The following PFAS variants were observed in gnomAD, a reference collection of about 807,000 sequenced individuals.
PFAS encodes phosphoribosylformylglycinamidine synthase, also known as FGAM synthase.
A neutral mutation model predicts 140.6 loss-of-function variants in PFAS; 97 were observed. The observed-to-expected ratio is 0.69, with a 90% confidence interval of 0.59 to 0.82. The LOEUF (loss-of-function observed/expected upper bound fraction) is 0.82. PFAS is among the 40% of genes least tolerant of loss of function. The probability of loss-of-function intolerance (pLI) is 0.00; values close to 1 mark genes in which losing one functional copy is unlikely to be tolerated. For missense variants in PFAS, 1,656 were observed against 1,780.2 expected, an observed-to-expected ratio of 0.93 and a Z score of 1.26; for synonymous variants, 679 against 718.8, an observed-to-expected ratio of 0.94 and a Z score of 0.88.
intron 19 of PFAS, 30 bp from the exon 20 acceptor site, chr17:8,265,526 C>T: frequency 6.2e-7 from 1 of 1,613,390 alleles, no homozygotes; most frequent in Non-Finnish European, 8.5e-7. Flanking sequence ...GTTGGCAACT[C>T]ATTCCTTTGG....
chr17:8,258,436 G>A (rs1210711184), intron 11 of PFAS, among the ~76,000 whole-genome samples: 1 of 152,072 alleles, frequency 6.6e-6, no homozygotes, highest in African/African-American at 2.4e-5. Context: ...CCTGCTACAC[G>A]ATCCACACAG....
At position 8,265,369 on chromosome 17, in the gene PFAS, A is replaced by G. The variant is rs747459913; in HGVS notation, c.2362A>G (p.Met788Val). 1.7e-5 allele frequency: 28 copies of G among 1,614,072 alleles called. No homozygotes were observed. Among genetic ancestry groups the G allele is most frequent in the Non-Finnish European group, 2.2e-5 (26 of 1,180,036 alleles). Reference protein sequence around the residue: ...GAALADACEAMVAVMAALGVA... With the variant: ...GAALADACEAVVAVMAALGVA... ...AGCTTTGGCGGATGCCTGTGAGGCT[A>G]TGGTGGCAGTGATGGCAGCCCTGGG... The change falls in exon 19 of 28, where the codon ATG (methionine) becomes GTG (valine). Residue 788 changes from methionine to valine, a missense_variant. Around this residue, in one of 2 missense-constraint regions of PFAS, gnomAD observed 883 missense variants for 1,023.0 expected, o/e 0.86. Transcript: ENST00000314666.
intron 20 of PFAS, 62 bp downstream of exon 20, chr17:8,265,701 T>C (rs1989785587): frequency 2.0e-6 from 3 of 1,488,338 alleles, no homozygotes; most frequent in Admixed American, 1.7e-5. Flanking sequence ...GGCTCCTGCT[T>C]TGTGAGTGCT....
rs1246264091 is a variant in PFAS at position 8,267,537 on chromosome 17, C to T, written c.3268-14C>T. ...GTGTCCTCCCACCCACACTCCCCCT[C>T]CCCACCTTCGCAGGTATGGGACGTG... On this transcript the variant is annotated splice_polypyrimidine_tract_variant and intron_variant, in intron 25 of 27. Transcript: ENST00000314666. The surrounding 1 kb of genome is among the most constrained non-coding windows in gnomAD (Gnocchi z 4.9). 1.3e-6 allele frequency: 2 copies of T among 1,592,482 alleles called. No homozygotes were observed. Among genetic ancestry groups the T allele is most frequent in the African/African-American group, 1.3e-5 (1 of 74,670 alleles).
intron 1 of PFAS, among the ~76,000 whole-genome samples, chr17:8,251,386 A>T (rs1482191158): frequency 6.6e-6 from 1 of 151,872 alleles, no homozygotes; most frequent in South Asian, 2.1e-4. Context: ...GGCTCAAGCG[A>T]TCCTCTTACC....
chr17:8,257,897 C>A lies in PFAS; in HGVS notation c.1166C>A (p.Ala389Asp). The change falls in exon 10 of 28, where the codon GCT becomes GAT. Residue 389 changes from alanine to aspartate, a missense_variant. Physicochemically the swap from Ala to Asp is moderately radical, Grantham distance 126. Transcript: ENST00000314666. Reference sequence around the variant, plus strand: ...GTTGCCATTGAAGCCAGTAATGGAGCTTCTGACTATGGCAACAAGTTTGGG... The same window carrying A: ...GTTGCCATTGAAGCCAGTAATGGAGATTCTGACTATGGCAACAAGTTTGGG... ...LEVAIEASNG[A>D]SDYGNKFGEP... 1 of 1,614,186 alleles carries A rather than the reference C, an allele frequency of 6.2e-7. No individual in the cohort carries two copies. Among genetic ancestry groups the A allele is most frequent in the Non-Finnish European group, 8.5e-7 (1 of 1,180,022 alleles).
rs1220183631 is a variant in PFAS at position 8,269,640 on chromosome 17, C to G, written c.*376C>G. On this transcript the variant is annotated 3_prime_UTR_variant, in exon 28 of 28. Transcript: ENST00000314666. ...TTGGCTCTGAGGGATGTTTTGCGCT[C>G]CCTTTTCTCATCATTGGGGTTAGCG... The G allele has an allele frequency of 4.7e-6, 1 of 211,004 alleles. No individual in the cohort carries two copies. Among genetic ancestry groups the G allele is most frequent in the African/African-American group, 2.3e-5 (1 of 43,548 alleles). The allele number at this position is 211,004 out of a possible 1,614,324, so 13.1% of individuals were successfully genotyped here. A position where few individuals can be genotyped will look rare whatever the true frequency, so the allele number is the denominator to read the frequency against.
At chr17:8,252,885 A>G (rs1989214134) in intron 1 of PFAS, among the ~76,000 whole-genome samples, 1 of 152,192 alleles carries the variant, frequency 6.6e-6, no homozygotes, top group Admixed American at 6.6e-5. Context: ...CCAAAGGGCT[A>G]AGATTACAGG....
rs200831632 is a variant in PFAS at position 8,256,848 on chromosome 17, T to C, written c.960T>C (p.Phe320=). Residue 320 remains phenylalanine, a synonymous_variant, in exon 9 of 28, where the codon TTT becomes TTC. Coordinates refer to ENST00000314666, the MANE Select transcript of PFAS (RefSeq NM_012393.3). ...THNFPTGVCP[F]SGATTGTGGR... ...CTCTCTTTGCAGGAGTATGCCCCTT[T>C]AGTGGTGCAACCACTGGCACAGGGG... is the stretch of plus-strand genomic sequence containing the variant. 1.9e-6 allele frequency: 3 copies of C among 1,607,600 alleles called. No individual in the cohort carries two copies. The highest frequency in any genetic ancestry group is 1.3e-5 in the African/African-American group (1 of 75,030).
intron 18 of PFAS, 56 bp from the exon 19 acceptor site, chr17:8,265,232 C>A: frequency 6.3e-7 from 1 of 1,587,746 alleles, no homozygotes. Flanking sequence ...CCGCCTGCAC[C>A]CCTGGCCTCT....
At chr17:8,259,994 G>A (rs1395710608) in intron 11 of PFAS, among the ~76,000 whole-genome samples, 2 of 151,782 alleles carry the variant, frequency 1.3e-5, no homozygotes, top group South Asian at 2.1e-4. Context: ...CCAGCTACTC[G>A]GGAGGCTGAG....
chr17:8,268,478 A>G (rs569848694), intron 26 of PFAS, 55 bp from the exon 27 acceptor site: 291 of 1,327,354 alleles, frequency 2.2e-4, no homozygotes, highest in Middle Eastern at 7.9e-4. Context: ...TTCATTCCCA[A>G]TTCCCTTTTT....
Position 8,266,932 on chromosome 17 carries a change from G to A in PFAS, c.2967+34G>A, listed in dbSNP as rs1306887660. 6.3e-7 allele frequency: 1 copy of A among 1,599,126 alleles called. No homozygotes were observed. Among genetic ancestry groups the A allele is most frequent in the Admixed American group, 1.7e-5 (1 of 59,748 alleles). On this transcript the variant is annotated intron_variant, in intron 23 of 27. Coordinates refer to ENST00000314666, the MANE Select transcript of PFAS (RefSeq NM_012393.3). The surrounding 1 kb of genome is among the most constrained non-coding windows in gnomAD (Gnocchi z 5.0). The stretch of plus-strand genomic sequence containing the variant: ...GTGAGGGAGAGAGCGGTGTGCAGTG[G>A]GCAGTCAGAGTGGGGTGGCCGCGGT...
intron 9 of PFAS, 102 bp from the exon 10 acceptor site, chr17:8,257,704 AG>A (rs1267432326): frequency 8.6e-6 from 10 of 1,167,382 alleles, no homozygotes; most frequent in Non-Finnish European, 1.2e-5. Flanking sequence ...GCAACCATGC[AG>A]GTGGTCCTTG....
At chr17:8,260,647 C>T (rs562400423) in intron 11 of PFAS, among the ~76,000 whole-genome samples, 28 of 152,228 alleles carry the variant, frequency 1.8e-4, no homozygotes, top group Admixed American at 3.9e-4. Context: ...TTTTTTGAGA[C>T]GGAGTCTCGC....
intron 11 of PFAS, among the ~76,000 whole-genome samples, chr17:8,259,398 A>G (rs1031202139): frequency 2.0e-5 from 3 of 152,076 alleles, no homozygotes; most frequent in Admixed American, 2.0e-4. Context: ...AGCCTTCCAA[A>G]GCACTGGGAT....
rs754621181 is a variant in PFAS at position 8,255,832 on chromosome 17, A to G, written c.602A>G (p.Asp201Gly). ...LGLALDSWDLDFYTKRFQELQ... is the reference protein window; with the variant it reads ...LGLALDSWDLGFYTKRFQELQ... ...CTGGCTTTAGACTCTTGGGACCTAG[A>G]CTTCTACACCAAGCGCTTCCAGGAG... is the stretch of plus-strand genomic sequence containing the variant. Residue 201 changes from aspartate (D) to glycine (G), a missense_variant, in exon 6 of 28, where the codon GAC becomes GGC. This residue lies in a region of PFAS where 773 missense variants were observed against 757.3 expected (regional missense o/e 1.02). Transcript: ENST00000314666. 55 of 1,614,084 alleles carry G rather than the reference A, an allele frequency of 3.4e-5. No individual in the cohort carries two copies. The South Asian group carries it at 4.6e-4, about 14-fold the overall frequency.
At chr17:8,251,107 G>A (rs957492372) in intron 1 of PFAS, among the ~76,000 whole-genome samples, 1 of 152,100 alleles carries the variant, frequency 6.6e-6, no homozygotes, top group Non-Finnish European at 1.5e-5. Context: ...CGAACATGGT[G>A]AAACCCCATC....
Position 8,266,660 on chromosome 17 carries a change from C to T in PFAS, c.2822-93C>T. On this transcript the variant is annotated intron_variant, in intron 22 of 27. Transcript: ENST00000314666. This position sits in a 1 kb window ranked among gnomAD's most constrained non-coding sequence, Gnocchi z 5.0. Reference sequence around the variant, plus strand: ...CTACTCTCTGGCTGCATCCCTCTGACCCTCACCCTGGCCCTTCCTGCATTT... The same window carrying T: ...CTACTCTCTGGCTGCATCCCTCTGATCCTCACCCTGGCCCTTCCTGCATTT... 1 of 1,524,816 alleles carries T rather than the reference C, an allele frequency of 6.6e-7. No individual in the cohort carries two copies. The highest frequency in any genetic ancestry group is 8.8e-7 in the Non-Finnish European group (1 of 1,141,442). The allele number at this position is 1,524,816 out of a possible 1,614,324, so 94.5% of individuals were successfully genotyped here.
Sources: gnomAD v4.1 joint callset for allele counts (sites outside exome capture counted in the v4.1 genomes callset) on GRCh38, gnomAD v4.1.1 for gene constraint, gnomAD v4.1.1 regional missense constraint, Gnocchi (gnomAD v3.1) non-coding constraint, MANE v1.5 for transcripts, NCBI Gene and HGNC (gene_info 2026-07-23, HGNC 2026-07-21) for gene names.